The following PXK variants were observed in gnomAD, a reference collection of about 807,000 sequenced individuals.
The protein encoded by PXK is PX domain containing serine/threonine kinase like.
In PXK, 35 loss-of-function variants were observed where a neutral mutation model predicts 84.7. The observed-to-expected ratio is 0.41, with a 90% CI of 0.32 to 0.55. The LOEUF is 0.55. PXK is among the 20% of genes least tolerant of loss of function. The pLI, the probability that PXK is intolerant of heterozygous loss-of-function variation, is 0.21. For synonymous variants in PXK, 253 were observed against 260.8 expected, an observed-to-expected ratio of 0.97 and a Z score of 0.29; for missense variants, 634 against 699.7, an observed-to-expected ratio of 0.91 and a Z score of 1.06.
rs1395462744 is a variant in PXK at position 58,364,487 on chromosome 3, G to A, written c.103-1387G>A. ...AGCACTTTGGGAGGCCGAGGTGGGC[G>A]GATTACTTGAGGTCAGGAGTTCGAG... On this transcript the variant is annotated intron_variant, in intron 1 of 17. Transcript: ENST00000356151. The surrounding 1 kb of genome is among the most constrained non-coding windows in gnomAD (Gnocchi z 4.3). Among the ~76,000 whole-genome samples the A allele has an allele frequency of 1.2e-4, 18 of 152,084 alleles. No homozygotes were observed. Among genetic ancestry groups the A allele is most frequent in the Admixed American group, 1.2e-3 (18 of 15,272 alleles).
chr3:58,382,177 G>A (rs373741704), intron 3 of PXK, among the ~76,000 whole-genome samples: 1 of 151,958 alleles, frequency 6.6e-6, no homozygotes, highest in Non-Finnish European at 1.5e-5. Flanking sequence ...TTAGCTGGGC[G>A]TGATGTCACA....
At chr3:58,404,442 A>G (rs1452444300) in intron 13 of PXK, among the ~76,000 whole-genome samples, 1 of 152,186 alleles carries the variant, frequency 6.6e-6, no homozygotes, top group Non-Finnish European at 1.5e-5. Flanking sequence ...ACTAGATGCC[A>G]ACGATACTCC....
rs534246461 is a variant in PXK, at chr3:58,397,515, T to C, written c.985-90T>C. The C allele has an allele frequency of 1.2e-5, 14 of 1,139,586 alleles. No homozygotes were observed. The highest frequency in any genetic ancestry group is 1.2e-4 in the Admixed American group (7 of 58,090). The allele number at this position is 1,139,586 out of a possible 1,614,324, so 70.6% of individuals were successfully genotyped here. ...ATTAGGAACGGGGCTATCCCTGGGC[T>C]TTGTTTCTCAGAGAAGCCTTGGGGC... On this transcript the variant is annotated intron_variant, in intron 10 of 17. Transcript: ENST00000356151. The surrounding 1 kb of genome is among the most constrained non-coding windows in gnomAD (Gnocchi z 4.7).
intron 3 of PXK, among the ~76,000 whole-genome samples, chr3:58,374,000 G>A (rs1330243608): frequency 2.1e-5 from 3 of 142,538 alleles, no homozygotes; most frequent in South Asian, 2.2e-4. Flanking sequence ...AGCCGAGATC[G>A]CACACTGCAC....
intron 1 of PXK, among the ~76,000 whole-genome samples, chr3:58,365,248 C>G (rs2098253303): frequency 6.6e-6 from 1 of 151,714 alleles, no homozygotes; most frequent in South Asian, 2.1e-4. Flanking sequence ...TTTTAATTTC[C>G]CTTGAGATTT....
Position 58,333,042 on chromosome 3 carries a change from G to A in PXK, c.54G>A (p.Val18=). 7.4e-7 allele frequency: 1 copy of A among 1,349,348 alleles called. No individual in the cohort carries two copies. 83.6% of individuals were successfully genotyped at this position (1,349,348 alleles called of 1,614,324 possible). The stretch of plus-strand genomic sequence containing the variant: ...GCAAGGTGCTGCTGGACGACACGGT[G>A]CCGCTGACAGCAGCCATCGAGGCGA... The part of the protein sequence containing the change: ...PAGKVLLDDT[V]PLTAAIEASQ... Residue 18 remains valine (V), a synonymous_variant, in exon 1 of 18, where the codon GTG becomes GTA. Transcript: ENST00000356151. The surrounding 1 kb of genome is among the most constrained non-coding windows in gnomAD (Gnocchi z 5.4).
chr3:58,372,686 G>A (rs1022283525), intron 3 of PXK, among the ~76,000 whole-genome samples: 20 of 151,738 alleles, frequency 1.3e-4, no homozygotes, highest in African/African-American at 4.8e-4. Flanking sequence ...GAATGCAGTG[G>A]CGTGATCTTG....
At position 58,382,563 on chromosome 3, in the gene PXK, T is replaced by G; in HGVS notation, c.251T>G (p.Met84Arg). The G allele has an allele frequency of 6.2e-7, 1 of 1,603,008 alleles. No individual in the cohort carries two copies. Among genetic ancestry groups the G allele is most frequent in the Non-Finnish European group, 8.5e-7 (1 of 1,176,364 alleles). ...PLPPKKLIGN[M>R]DREFIAERQK... ...CCTCCCAAAAAATTGATTGGTAACA[T>G]GGATCGTGAATTCATAGCTGAAAGG... The change falls in exon 4 of 18, where the codon ATG (methionine) becomes AGG (arginine). Residue 84 changes from methionine (M) to arginine (R), a missense_variant. By Grantham distance (91) the Met-to-Arg change is moderately conservative. Transcript: ENST00000356151.
intron 1 of PXK, among the ~76,000 whole-genome samples, chr3:58,355,654 G>T (rs1164838041): frequency 6.6e-6 from 1 of 152,184 alleles, no homozygotes; most frequent in Non-Finnish European, 1.5e-5. Flanking sequence ...TGCAAATGGG[G>T]ATGCTTACTT....
intron 3 of PXK, among the ~76,000 whole-genome samples, chr3:58,369,824 CAAAAA>C (rs751574356): frequency 3.1e-5 from 2 of 64,738 alleles, no homozygotes; most frequent in East Asian, 1.0e-3. Context: ...AACTCTGTCT[CAAAAA>C]AAAAAAAAAA....
chr3:58,419,428 G>GT (rs1027530476), intron 17 of PXK, among the ~76,000 whole-genome samples: 2 of 152,140 alleles, frequency 1.3e-5, no homozygotes, highest in African/African-American at 4.8e-5. Context: ...CTTTTTTGTA[G>GT]TTTTAGTAGA....
rs1005303097 is a variant in PXK, at chr3:58,409,416, A to G, written c.1309-116A>G. 2.1e-6 allele frequency: 2 copies of G among 962,248 alleles called. No individual in the cohort carries two copies. The highest frequency in any genetic ancestry group is 3.2e-6 in the Non-Finnish European group (2 of 624,754). The allele number at this position is 962,248 out of a possible 1,614,324, so 59.6% of individuals were successfully genotyped here. ...GAGCCAGGAAGTAGACAGCCTGAGC[A>G]AGGAAAGATTTTCTTTTATCCCAAT... On this transcript the variant is annotated intron_variant, in intron 14 of 17. Transcript: ENST00000356151. The surrounding 1 kb of genome is among the most constrained non-coding windows in gnomAD (Gnocchi z 4.2).
intron 1 of PXK, among the ~76,000 whole-genome samples, chr3:58,351,670 G>T (rs1201736852): frequency 6.6e-6 from 1 of 151,820 alleles, no homozygotes; most frequent in African/African-American, 2.4e-5. Context: ...GCTCATTGAG[G>T]ATAACCTGAA....
intron 17 of PXK, among the ~76,000 whole-genome samples, chr3:58,418,784 G>C (rs2061379553): frequency 6.6e-6 from 1 of 152,162 alleles, no homozygotes; most frequent in Non-Finnish European, 1.5e-5. Flanking sequence ...TGAGAGAGCT[G>C]GCAGTTTGTA....
At chr3:58,354,841 G>A (rs1461365489) in intron 1 of PXK, among the ~76,000 whole-genome samples, 1 of 152,098 alleles carries the variant, frequency 6.6e-6, no homozygotes, top group East Asian at 1.9e-4. Flanking sequence ...GCCAGGTGTG[G>A]TGGCAGTGGC....
At chr3:58,376,200 A>G (rs2098440595) in intron 3 of PXK, among the ~76,000 whole-genome samples, 1 of 152,092 alleles carries the variant, frequency 6.6e-6, no homozygotes, top group Non-Finnish European at 1.5e-5. Context: ...GAATCACTTG[A>G]GATCAAGAGT....
At chr3:58,391,742 AGT>A (rs1161878334) in intron 6 of PXK, 29 bp from the exon 7 acceptor site, 3 of 1,583,594 alleles carry the variant, frequency 1.9e-6, no homozygotes, top group Non-Finnish European at 1.7e-6. Flanking sequence ...TGACCAAAAC[AGT>A]ACCCTGATAT....
intron 4 of PXK, among the ~76,000 whole-genome samples, chr3:58,388,217 A>G (rs1047143317): frequency 1.3e-5 from 2 of 152,188 alleles, no homozygotes; most frequent in African/African-American, 2.4e-5. Flanking sequence ...ACCCTAAGTG[A>G]AAAAAGCTAT....
intron 3 of PXK, among the ~76,000 whole-genome samples, chr3:58,371,593 C>T (rs886824809): frequency 2.0e-5 from 3 of 152,180 alleles, no homozygotes; most frequent in Non-Finnish European, 2.9e-5. Flanking sequence ...TAGACTTAGC[C>T]TCTAAGAATA....
Sources: allele counts gnomAD v4.1 joint callset (sites outside exome capture counted in the v4.1 genomes callset), GRCh38; gene constraint gnomAD v4.1.1; non-coding constraint Gnocchi (gnomAD v3.1); transcripts MANE v1.5; gene names NCBI Gene and HGNC (gene_info 2026-07-23, HGNC 2026-07-21).